Variants in TRPS1 observed in about 807,000 individuals in gnomAD.
TRPS1 encodes transcriptional repressor GATA binding 1, also known as zinc finger transcription factor Trps1.
In TRPS1, 6 loss-of-function variants were observed where a neutral mutation model predicts 101.2. That is an observed-to-expected ratio of 0.06 (90% CI 0.03 to 0.12). TRPS1 has a LOEUF of 0.12. TRPS1 is among the 10% of genes least tolerant of loss of function. The pLI is 1.00. For missense variants in TRPS1, 1,363 were observed against 1,567.0 expected, an observed-to-expected ratio of 0.87 and a Z score of 2.20; for synonymous variants, 578 against 589.8, an observed-to-expected ratio of 0.98 and a Z score of 0.29.
Position 115,433,852 on chromosome 8 carries a change from G to A in TRPS1, c.2701-15400C>T, listed in dbSNP as rs746532362. 7.9e-5 allele frequency among the ~76,000 whole-genome samples: 12 copies of A among 152,018 alleles called. No individual in the cohort carries two copies. The South Asian group carries it at 1.0e-3, about 13-fold the overall frequency. ...TTTACAAGAGGTGGAGGCATTTGCCGGGGAAAAATCAGACAACTTTGTTTC... is the reference window on the plus strand; with the variant it reads ...TTTACAAGAGGTGGAGGCATTTGCCAGGGAAAAATCAGACAACTTTGTTTC... On this transcript the variant is annotated intron_variant, in intron 5 of 6. Coordinates refer to ENST00000395715, the MANE Select transcript of TRPS1 (RefSeq NM_014112.5).
intron 5 of TRPS1, among the ~76,000 whole-genome samples, chr8:115,455,824 G>A (rs200159081): frequency 2.4e-5 from 3 of 127,200 alleles, no homozygotes; most frequent in East Asian, 2.3e-4. Context: ...TTGCTCTGTC[G>A]CCCAGGCTGG....
intron 5 of TRPS1, among the ~76,000 whole-genome samples, chr8:115,435,594 C>T (rs565595786): frequency 6.6e-6 from 1 of 152,062 alleles, no homozygotes. Context: ...TCAATTGATT[C>T]CCTGTAGTGT....
chr8:115,462,235 T>A (rs1814198443), intron 5 of TRPS1, among the ~76,000 whole-genome samples: 1 of 152,184 alleles, frequency 6.6e-6, no homozygotes, highest in Non-Finnish European at 1.5e-5. Flanking sequence ...GGAAAGATGG[T>A]GAAGAGATCT....
chr8:115,504,501 G>A (rs1815393776), intron 5 of TRPS1, among the ~76,000 whole-genome samples: 1 of 152,198 alleles, frequency 6.6e-6, no homozygotes. Flanking sequence ...ATATAATTCA[G>A]TGCCCTCATG....
intron 1 of TRPS1, among the ~76,000 whole-genome samples, chr8:115,662,929 G>C (rs1017754054): frequency 6.6e-6 from 1 of 151,912 alleles, no homozygotes; most frequent in Non-Finnish European, 1.5e-5. Flanking sequence ...AACAGGTGTC[G>C]CATTCGTTAT....
intron 1 of TRPS1, among the ~76,000 whole-genome samples, chr8:115,644,833 T>C (rs1313785169): frequency 6.6e-6 from 1 of 152,150 alleles, no homozygotes; most frequent in South Asian, 2.1e-4. Flanking sequence ...AAAATCATTA[T>C]GTCTCAGGGA....
At chr8:115,633,372 C>A (rs1418992493) in intron 1 of TRPS1, among the ~76,000 whole-genome samples, 1 of 151,968 alleles carries the variant, frequency 6.6e-6, no homozygotes, top group Non-Finnish European at 1.5e-5. Context: ...TGTGATTCTG[C>A]TGGTGGTGGT....
chr8:115,667,923 A>G (rs960209866), intron 1 of TRPS1: 1 of 1,535,294 alleles, frequency 6.5e-7, no homozygotes, highest in Non-Finnish European at 8.7e-7. Context: ...ACGAGCCCCC[A>G]GAAAACTTGC....
intron 1 of TRPS1, among the ~76,000 whole-genome samples, chr8:115,658,887 G>A (rs749039312): frequency 1.3e-5 from 2 of 152,070 alleles, no homozygotes; most frequent in Non-Finnish European, 2.9e-5. Context: ...CACATAAAAT[G>A]TGTACATTAT....
chr8:115,529,388 T>C (rs1010509526), intron 5 of TRPS1, among the ~76,000 whole-genome samples: 5 of 152,226 alleles, frequency 3.3e-5, no homozygotes, highest in Admixed American at 1.3e-4. Context: ...AAGATGTAGA[T>C]TGAAAATTAC....
chr8:115,424,868 TTGA>T (rs1813150576), intron 5 of TRPS1, among the ~76,000 whole-genome samples: 1 of 152,260 alleles, frequency 6.6e-6, no homozygotes, highest in Admixed American at 6.5e-5. Context: ...TCAATAATTG[TTGA>T]TATTCCATAA....
intron 1 of TRPS1, among the ~76,000 whole-genome samples, chr8:115,662,544 C>A (rs142872872): frequency 9.2e-5 from 14 of 152,056 alleles, no homozygotes; most frequent in Admixed American, 9.2e-4. Context: ...AGAACACTAG[C>A]ACAAATCTTT....
intron 5 of TRPS1, among the ~76,000 whole-genome samples, chr8:115,546,015 AATT>A (rs1816561630): frequency 6.6e-6 from 1 of 152,250 alleles, no homozygotes; most frequent in East Asian, 1.9e-4. Flanking sequence ...CAGTGTCTTT[AATT>A]ATTATCATCC....
At position 115,573,343 on chromosome 8, in the gene TRPS1, A is replaced by G. The variant is rs1452041938; in HGVS notation, c.2700+13658T>C. Among the ~76,000 whole-genome samples the G allele has an allele frequency of 2.6e-5, 4 of 152,182 alleles. No individual in the cohort carries two copies. The South Asian group carries it at 8.3e-4, about 32-fold the overall frequency. On this transcript the variant is annotated intron_variant, in intron 5 of 6. Coordinates refer to ENST00000395715, the MANE Select transcript of TRPS1 (RefSeq NM_014112.5). Reference sequence around the variant, plus strand: ...GGATTAAGTAAGTTACTACAAACAAAGAGTAAAGCCTTGCCCATAGTTAGT... The same window carrying G: ...GGATTAAGTAAGTTACTACAAACAAGGAGTAAAGCCTTGCCCATAGTTAGT...
chr8:115,536,278 T>C (rs1816316666), intron 5 of TRPS1, among the ~76,000 whole-genome samples: 1 of 152,062 alleles, frequency 6.6e-6, no homozygotes, highest in South Asian at 2.1e-4. Context: ...CCCAGCACTT[T>C]GGGAGGCCGA....
chr8:115,586,892 G>C (rs1034595010), intron 5 of TRPS1, 109 bp downstream of exon 5: 1 of 1,582,390 alleles, frequency 6.3e-7, no homozygotes, highest in Non-Finnish European at 8.6e-7. Flanking sequence ...GATTGAGACA[G>C]ATCATTAAGT....
chr8:115,562,235 C>T (rs1816962490), intron 5 of TRPS1, among the ~76,000 whole-genome samples: 1 of 151,980 alleles, frequency 6.6e-6, no homozygotes, highest in South Asian at 2.1e-4. Flanking sequence ...TTTAAACGTA[C>T]TTATATCAAA....
rs1817578971 is a variant in TRPS1, at chr8:115,587,154, G to A, written c.2547C>T (p.Ala849=). 6.2e-7 allele frequency: 1 copy of A among 1,614,074 alleles called. No individual in the cohort carries two copies. The highest frequency in any genetic ancestry group is 1.3e-5 in the African/African-American group (1 of 74,932). ...TLRDSPNVEA[A]HLARPIYGLA... ...AGCCATAAATAGGTCGCGCCAGATG[G>A]GCGGCCTCCACATTGGGACTATCCC... Residue 849 remains alanine, a synonymous_variant, in exon 5 of 7, where the codon GCC becomes GCT. Coordinates refer to ENST00000395715, the MANE Select transcript of TRPS1 (RefSeq NM_014112.5).
chr8:115,434,776 A>G, intron 5 of TRPS1, among the ~76,000 whole-genome samples: 1 of 152,180 alleles, frequency 6.6e-6, no homozygotes, highest in East Asian at 1.9e-4. Flanking sequence ...ATTTCTTTGA[A>G]TGCTTATAAC....
Sources: gnomAD v4.1 joint callset for allele counts (sites outside exome capture counted in the v4.1 genomes callset) on GRCh38, gnomAD v4.1.1 for gene constraint, MANE v1.5 for transcripts, NCBI Gene and HGNC (gene_info 2026-07-23, HGNC 2026-07-21) for gene names.